The following MYRIP variants were observed in gnomAD, a reference collection of about 807,000 sequenced individuals.
MYRIP encodes myosin VIIA and Rab interacting protein, also known as rab effector MyRIP.
In MYRIP, 49 loss-of-function variants were observed where a neutral mutation model predicts 98.0. That is an observed-to-expected ratio of 0.50 (90% CI 0.40 to 0.63). The LOEUF (loss-of-function observed/expected upper bound fraction) is 0.63. MYRIP is among the 30% of genes least tolerant of loss of function. The pLI, the probability that MYRIP is intolerant of heterozygous loss-of-function variation, is 0.00. For missense variants in MYRIP, 1,004 were observed against 1,058.2 expected (o/e 0.95, Z 0.71); for synonymous variants, 404 against 409.5 (o/e 0.99, Z 0.16).
intron 3 of MYRIP, among the ~76,000 whole-genome samples, chr3:40,127,035 T>G (rs1181591027): frequency 6.6e-6 from 1 of 152,208 alleles, no homozygotes; most frequent in African/African-American, 2.4e-5. Context: ...TAGATGTCAA[T>G]TATTGGCCCT....
chr3:40,039,821 C>T (rs1947471215), intron 2 of MYRIP, among the ~76,000 whole-genome samples: 1 of 151,754 alleles, frequency 6.6e-6, no homozygotes, highest in Admixed American at 6.6e-5. Context: ...AATGTATTGT[C>T]TCCCTCTTCT....
At position 40,045,132 on chromosome 3, in the gene MYRIP, C is replaced by A. The variant is rs9877889; in HGVS notation, c.332+861C>A. 6.8e-3 allele frequency among the ~76,000 whole-genome samples: 1,035 copies of A among 152,214 alleles called. 16 individuals are homozygous for A. Among genetic ancestry groups the A allele is most frequent in the African/African-American group, 0.024 (985 of 41,528 alleles). On this transcript the variant is annotated intron_variant, in intron 3 of 16. Coordinates refer to ENST00000302541, the MANE Select transcript of MYRIP (RefSeq NM_015460.4). ...CACTCAGAAGCCCCTGCCTCCCACA[C>A]CTTTTCCTTCTTTCCTCCTTTCTCC...
intron 1 of MYRIP, among the ~76,000 whole-genome samples, chr3:39,890,325 C>T (rs1943451466): frequency 6.6e-6 from 1 of 152,024 alleles, no homozygotes; most frequent in Non-Finnish European, 1.5e-5. Flanking sequence ...CCACAACTTC[C>T]CCAAATCCTA....
Position 39,929,602 on chromosome 3 carries a change from A to G in MYRIP, c.110+28676A>G, listed in dbSNP as rs959622538. The stretch of plus-strand genomic sequence containing the variant: ...TATTCCAAAATATATTTTTAATTGA[A>G]CTATAATTTACATAGCACAAAAGTC... On this transcript the variant is annotated intron_variant, in intron 2 of 16. Coordinates refer to ENST00000302541, the MANE Select transcript of MYRIP (RefSeq NM_015460.4). 3.3e-5 allele frequency among the ~76,000 whole-genome samples: 5 copies of G among 152,202 alleles called. No homozygotes were observed. In the South Asian group the frequency reaches 1.0e-3, roughly 32 times the overall value.
chr3:40,191,174 T>C (rs1387492854), intron 10 of MYRIP, among the ~76,000 whole-genome samples: 1 of 152,156 alleles, frequency 6.6e-6, no homozygotes, highest in East Asian at 1.9e-4. Context: ...TTTTCTCCCT[T>C]TAAAAATGCA....
chr3:40,031,266 C>G (rs13322710), intron 2 of MYRIP, among the ~76,000 whole-genome samples: 1,866 of 152,056 alleles, frequency 0.012, 45 homozygotes, highest in African/African-American at 0.043. Flanking sequence ...GTCCCATTCA[C>G]GAGGATTTTA....
intron 1 of MYRIP, among the ~76,000 whole-genome samples, chr3:39,843,902 G>A (rs73826797): frequency 0.02 from 3,095 of 152,264 alleles, 98 homozygotes; most frequent in African/African-American, 0.069. Flanking sequence ...GGAAGTACAT[G>A]AAGTTGGACT....
At chr3:39,965,852 AT>A (rs1945426610) in intron 2 of MYRIP, among the ~76,000 whole-genome samples, 1 of 152,190 alleles carries the variant, frequency 6.6e-6, no homozygotes, top group Admixed American at 6.6e-5. Flanking sequence ...CAATCACAAA[AT>A]TTAAATGAAA....
intron 2 of MYRIP, among the ~76,000 whole-genome samples, chr3:40,035,151 C>A (rs1376933502): frequency 3.3e-5 from 5 of 150,760 alleles, no homozygotes; most frequent in Non-Finnish European, 7.4e-5. Flanking sequence ...TGCAGCACAC[C>A]AGCATGGCAC....
At chr3:40,156,690 C>T (rs1307824204) in intron 4 of MYRIP, among the ~76,000 whole-genome samples, 2 of 151,180 alleles carry the variant, frequency 1.3e-5, no homozygotes, top group African/African-American at 4.9e-5. Flanking sequence ...TTGTAGTTCT[C>T]CTTGAAGAGG....
intron 1 of MYRIP, among the ~76,000 whole-genome samples, chr3:39,874,802 C>G (rs2125634951): frequency 6.6e-6 from 1 of 152,168 alleles, no homozygotes; most frequent in Admixed American, 6.5e-5. Context: ...CTAAAATTCT[C>G]TTTTTTGGTT....
chr3:39,910,886 G>T (rs6599056), intron 2 of MYRIP, among the ~76,000 whole-genome samples: 2,473 of 152,088 alleles, frequency 0.016, 66 homozygotes, highest in African/African-American at 0.056. Context: ...TTTATATGTG[G>T]TTTTTAGGTA....
At chr3:39,979,476 T>C (rs768292192) in intron 2 of MYRIP, among the ~76,000 whole-genome samples, 1 of 151,898 alleles carries the variant, frequency 6.6e-6, no homozygotes, top group African/African-American at 2.4e-5. Context: ...CCGTCTCTAC[T>C]AAAAGTACAA....
Position 40,084,639 on chromosome 3 carries a change from A to C in MYRIP, c.332+40368A>C, listed in dbSNP as rs199864438. Among the ~76,000 whole-genome samples, 726 of 128,280 alleles carry C rather than the reference A, an allele frequency of 5.7e-3. 2 individuals are homozygous for C. The highest frequency in any genetic ancestry group is 0.024 in the East Asian group (100 of 4,182). 84.2% of individuals were successfully genotyped at this position (128,280 alleles called of 152,430 possible). A position where few individuals can be genotyped will look rare whatever the true frequency, so the allele number is the denominator to read the frequency against. ...TAGATAATACACATCTATGTATTATATATCGATAATACACATCTATGTATT... is the reference window on the plus strand; with the variant it reads ...TAGATAATACACATCTATGTATTATCTATCGATAATACACATCTATGTATT... On this transcript the variant is annotated intron_variant, in intron 3 of 16. Transcript: ENST00000302541.
At chr3:39,915,227 G>A (rs1944124287) in intron 2 of MYRIP, among the ~76,000 whole-genome samples, 1 of 151,936 alleles carries the variant, frequency 6.6e-6, no homozygotes, top group South Asian at 2.1e-4. Context: ...ATTATCCCCA[G>A]TCATCTGGTT....
chr3:40,034,313 A>C (rs1304029935), intron 2 of MYRIP, among the ~76,000 whole-genome samples: 1 of 152,196 alleles, frequency 6.6e-6, no homozygotes, highest in Non-Finnish European at 1.5e-5. Context: ...AAATTTTTGC[A>C]ACCTACTCAT....
intron 2 of MYRIP, among the ~76,000 whole-genome samples, chr3:39,947,435 C>T (rs1388171972): frequency 6.6e-6 from 1 of 152,022 alleles, no homozygotes; most frequent in Non-Finnish European, 1.5e-5. Flanking sequence ...TAAAAAACCT[C>T]CCAATAAGAC....
At chr3:39,923,057 G>A (rs1343296621) in intron 2 of MYRIP, among the ~76,000 whole-genome samples, 2 of 152,146 alleles carry the variant, frequency 1.3e-5, no homozygotes, top group Non-Finnish European at 2.9e-5. Flanking sequence ...AATTTTAGAT[G>A]TGAAAAATGC....
intron 3 of MYRIP, among the ~76,000 whole-genome samples, chr3:40,051,313 A>G (rs1947789756): frequency 6.6e-6 from 1 of 152,108 alleles, no homozygotes; most frequent in East Asian, 1.9e-4. Flanking sequence ...CGACATCAAG[A>G]CCCTCAACCA....
Sources: gnomAD v4.1 joint callset for allele counts (sites outside exome capture counted in the v4.1 genomes callset) on GRCh38, gnomAD v4.1.1 for gene constraint, MANE v1.5 for transcripts, NCBI Gene and HGNC (gene_info 2026-07-23, HGNC 2026-07-21) for gene names.